Variants in THSD7B observed in about 807,000 individuals in gnomAD.
The protein encoded by THSD7B is thrombospondin type 1 domain containing 7B, also known as thrombospondin type-1 domain-containing protein 7B.
THSD7B carries 138 observed loss-of-function variants against 213.6 expected under a neutral mutation model. The ratio of observed to expected loss-of-function variants is 0.65; its 90% confidence interval spans 0.56 to 0.74. THSD7B has a LOEUF of 0.74. THSD7B is among the 30% of genes least tolerant of loss of function. The pLI is 0.00. For missense variants in THSD7B, 1,931 were observed against 1,991.5 expected (o/e 0.97, Z 0.58); for synonymous variants, 742 against 687.0 (o/e 1.08, Z -1.25).
intron 12 of THSD7B, among the ~76,000 whole-genome samples, chr2:137,304,178 G>A (rs1175515351): frequency 2.0e-5 from 3 of 152,000 alleles, no homozygotes; most frequent in Non-Finnish European, 4.4e-5. Flanking sequence ...GTGTATATGT[G>A]ATTCTTCATT....
intron 3 of THSD7B, among the ~76,000 whole-genome samples, chr2:137,065,775 C>A (rs536201987): frequency 6.6e-6 from 1 of 152,192 alleles, no homozygotes; most frequent in African/African-American, 2.4e-5. Context: ...AGCCCACTTT[C>A]AAATAACACT....
intron 2 of THSD7B, among the ~76,000 whole-genome samples, chr2:136,943,869 GTC>G (rs1293358411): frequency 6.6e-6 from 1 of 152,010 alleles, no homozygotes; most frequent in African/African-American, 2.4e-5. Flanking sequence ...GGTTTTTTGT[GTC>G]TCTATCTCCT....
At chr2:137,409,198 A>G (rs1325953824) in intron 13 of THSD7B, among the ~76,000 whole-genome samples, 1 of 152,214 alleles carries the variant, frequency 6.6e-6, no homozygotes, top group Non-Finnish European at 1.5e-5. Context: ...TCTGACTGCA[A>G]TGTGGTGGAC....
chr2:137,346,141 T>C (rs948715591), intron 12 of THSD7B, among the ~76,000 whole-genome samples: 10 of 151,622 alleles, frequency 6.6e-5, no homozygotes, highest in African/African-American at 2.4e-4. Context: ...ACATTTTAAG[T>C]TTACAGTGCC....
At chr2:137,238,564 TG>T (rs1681824855) in intron 9 of THSD7B, among the ~76,000 whole-genome samples, 2 of 83,420 alleles carry the variant, frequency 2.4e-5, no homozygotes, top group Non-Finnish European at 2.6e-5. Flanking sequence ...TTTTTTTTTT[TG>T]AGACGGAGTC....
intron 12 of THSD7B, among the ~76,000 whole-genome samples, chr2:137,312,705 T>TTCTC (rs1683950194): frequency 6.8e-6 from 1 of 147,832 alleles, no homozygotes; most frequent in Non-Finnish European, 1.5e-5. Context: ...TGGTATGTTG[T>TTCTC]GTCTTTGTTC....
intron 2 of THSD7B, among the ~76,000 whole-genome samples, chr2:136,974,899 G>A (rs908779810): frequency 6.6e-6 from 1 of 152,096 alleles, no homozygotes; most frequent in Non-Finnish European, 1.5e-5. Flanking sequence ...ATTCTGACTG[G>A]CATGACATTA....
At chr2:137,502,282 A>G (rs1679724654) in intron 15 of THSD7B, among the ~76,000 whole-genome samples, 1 of 142,518 alleles carries the variant, frequency 7.0e-6, no homozygotes, top group Admixed American at 7.0e-5. Context: ...ATAAATCCTT[A>G]CTGACAGATA....
intron 15 of THSD7B, among the ~76,000 whole-genome samples, chr2:137,522,806 G>C (rs1486490017): frequency 6.6e-6 from 1 of 152,182 alleles, no homozygotes; most frequent in African/African-American, 2.4e-5. Flanking sequence ...CTGTGACACA[G>C]TATACACTTA....
chr2:137,470,364 T>A (rs1688069143), intron 15 of THSD7B, among the ~76,000 whole-genome samples: 2 of 152,192 alleles, frequency 1.3e-5, no homozygotes, highest in Admixed American at 1.3e-4. Flanking sequence ...ACAGATTTCT[T>A]GTTACAAATT....
In THSD7B at chr2:136,827,451, A is replaced by G. The variant is rs368631010; in HGVS notation, c.-35-54693A>G. The stretch of plus-strand genomic sequence containing the variant: ...TCTAGGCCAGGGCAACAATTCATCT[A>G]TACACCAGAGGATGAAAGCAGTGTC... On this transcript the variant is annotated intron_variant, in intron 1 of 27. Coordinates refer to ENST00000409968, the MANE Select transcript of THSD7B (RefSeq NM_001316349.2). Among the ~76,000 whole-genome samples, 5 of 152,200 alleles carry G rather than the reference A, an allele frequency of 3.3e-5. No homozygotes were observed. In the East Asian group the frequency reaches 7.7e-4, roughly 23 times the overall value.
At chr2:137,160,415 C>A in intron 6 of THSD7B, 47 bp downstream of exon 6, 1 of 1,591,480 alleles carries the variant, frequency 6.3e-7, no homozygotes, top group South Asian at 1.2e-5. Flanking sequence ...AGCGTACAAA[C>A]ATTTATTCTG....
intron 2 of THSD7B, among the ~76,000 whole-genome samples, chr2:136,891,228 T>G (rs1683851772): frequency 6.6e-6 from 1 of 152,146 alleles, no homozygotes; most frequent in South Asian, 2.1e-4. Flanking sequence ...TTTCCTTCAT[T>G]TATGTGTTTG....
intron 2 of THSD7B, among the ~76,000 whole-genome samples, chr2:136,988,127 T>C (rs959738334): frequency 1.3e-5 from 2 of 152,164 alleles, no homozygotes; most frequent in East Asian, 3.9e-4. Flanking sequence ...CCAGTGAGAT[T>C]CTTGGTGTCC....
intron 4 of THSD7B, among the ~76,000 whole-genome samples, chr2:137,114,775 A>G (rs570497389): frequency 2.0e-5 from 3 of 152,194 alleles, no homozygotes; most frequent in Non-Finnish European, 1.5e-5. Context: ...GTGAAATCCC[A>G]TGACAAGTTC....
At chr2:137,378,546 C>A (rs569764795) in intron 12 of THSD7B, among the ~76,000 whole-genome samples, 1 of 152,180 alleles carries the variant, frequency 6.6e-6, no homozygotes, top group South Asian at 2.1e-4. Flanking sequence ...TTCAAGACCA[C>A]TTGTTGTCAT....
At chr2:137,356,967 G>C (rs13412792) in intron 12 of THSD7B, among the ~76,000 whole-genome samples, 2,486 of 140,774 alleles carry the variant, frequency 0.018, 65 homozygotes, top group African/African-American at 0.058. Flanking sequence ...CACACACACA[G>C]ACACACACAC....
intron 2 of THSD7B, among the ~76,000 whole-genome samples, chr2:137,053,576 TAA>T (rs34910460): frequency 7.1e-4 from 103 of 144,894 alleles, no homozygotes; most frequent in Middle Eastern, 3.6e-3. Flanking sequence ...GAATTTATAA[TAA>T]AAAAAAAAAG....
intron 1 of THSD7B, among the ~76,000 whole-genome samples, chr2:136,840,732 T>G (rs1326794289): frequency 6.6e-6 from 1 of 152,136 alleles, no homozygotes; most frequent in East Asian, 1.9e-4. Context: ...CCAAGTTATA[T>G]TCCAGGGAAC....
Sources: allele counts gnomAD v4.1 joint callset (sites outside exome capture counted in the v4.1 genomes callset), GRCh38; gene constraint gnomAD v4.1.1; transcripts MANE v1.5; gene names NCBI Gene and HGNC (gene_info 2026-07-23, HGNC 2026-07-21).